Variants in NTM observed in about 807,000 individuals in gnomAD.
NTM encodes the protein neurotrimin, also known as IgLON family member 2.
Under a neutral mutation model 42.1 loss-of-function variants are expected in NTM, and 13 were observed. That is an observed-to-expected ratio of 0.31 (90% CI 0.20 to 0.49). The LOEUF (loss-of-function observed/expected upper bound fraction) is 0.49, where lower values mean the gene tolerates loss of function less well. Among genes scored for constraint, NTM ranks in the 20% least tolerant of loss-of-function variants. The pLI is 0.99. For missense variants in NTM, 373 were observed against 452.8 expected (o/e 0.82, Z 1.60); for synonymous variants, 187 against 179.2 (o/e 1.04, Z -0.35).
At chr11:131,836,308 C>G (rs376432441) in intron 1 of NTM, among the ~76,000 whole-genome samples, 1 of 152,202 alleles carries the variant, frequency 6.6e-6, no homozygotes, top group South Asian at 2.1e-4. Flanking sequence ...TGAACTAGTT[C>G]GAGAGCTTCT....
chr11:132,008,378 G>A (rs1271083598), intron 2 of NTM, among the ~76,000 whole-genome samples: 1 of 152,146 alleles, frequency 6.6e-6, no homozygotes, highest in African/African-American at 2.4e-5. Flanking sequence ...GACCATGAAT[G>A]TCAAGTGCCT....
intron 2 of NTM, among the ~76,000 whole-genome samples, chr11:132,064,488 A>T (rs557182819): frequency 6.6e-6 from 1 of 152,328 alleles, no homozygotes; most frequent in South Asian, 2.1e-4. Flanking sequence ...TACAAGAGTG[A>T]ATAATGGGAA....
At chr11:131,765,507 A>G (rs909434026) in intron 1 of NTM, among the ~76,000 whole-genome samples, 2 of 152,170 alleles carry the variant, frequency 1.3e-5, no homozygotes, top group Non-Finnish European at 2.9e-5. Flanking sequence ...AATCTCTTCT[A>G]GGAAAATTCC....
intron 4 of NTM, among the ~76,000 whole-genome samples, chr11:132,260,775 C>T (rs1591592807): frequency 6.6e-6 from 1 of 152,348 alleles, no homozygotes; most frequent in Middle Eastern, 3.4e-3. Flanking sequence ...GCCTAAAACA[C>T]AGCTGAATTA....
At chr11:132,173,840 T>A (rs973570852) in intron 3 of NTM, among the ~76,000 whole-genome samples, 2 of 152,232 alleles carry the variant, frequency 1.3e-5, no homozygotes, top group African/African-American at 4.8e-5. Flanking sequence ...AGGTAGCAGT[T>A]GTTTTTGAAG....
chr11:132,176,414 T>A (rs2076821858), intron 3 of NTM, among the ~76,000 whole-genome samples: 1 of 152,020 alleles, frequency 6.6e-6, no homozygotes, highest in South Asian at 2.1e-4. Context: ...CAATAGCAGA[T>A]GAAGTACTTA....
At chr11:131,905,509 CT>C (rs2053745032) in intron 1 of NTM, among the ~76,000 whole-genome samples, 1 of 152,086 alleles carries the variant, frequency 6.6e-6, no homozygotes, top group Non-Finnish European at 1.5e-5. Context: ...CACGAGATTC[CT>C]GCCCATGCTT....
At chr11:131,944,703 G>C (rs2060164319) in intron 2 of NTM, among the ~76,000 whole-genome samples, 1 of 152,116 alleles carries the variant, frequency 6.6e-6, no homozygotes, top group Non-Finnish European at 1.5e-5. Context: ...TTCAGGGGTA[G>C]GTATTTGTAG....
chr11:131,731,475 C>T (rs902703734), intron 1 of NTM, among the ~76,000 whole-genome samples: 3 of 152,136 alleles, frequency 2.0e-5, no homozygotes, highest in African/African-American at 7.2e-5. Context: ...GCCTTAAATG[C>T]TCCTGTTTAT....
chr11:131,945,987 CTATACATTG>C (rs2060301773), intron 2 of NTM, among the ~76,000 whole-genome samples: 4 of 152,124 alleles, frequency 2.6e-5, no homozygotes. Flanking sequence ...TTGAATGTAT[CTATACATTG>C]TATACAGCTA....
At chr11:131,735,796 G>A (rs926699617) in intron 1 of NTM, among the ~76,000 whole-genome samples, 25 of 151,932 alleles carry the variant, frequency 1.6e-4, no homozygotes, top group Non-Finnish European at 2.9e-5. Context: ...AGGAGTGGGA[G>A]TCAGAAGCCT....
At chr11:132,186,771 A>G (rs1378672856) in intron 3 of NTM, among the ~76,000 whole-genome samples, 1 of 152,196 alleles carries the variant, frequency 6.6e-6, no homozygotes, top group Non-Finnish European at 1.5e-5. Context: ...AATGAACCCT[A>G]AGACATCAAA....
At chr11:131,859,652 T>C (rs1041497184) in intron 1 of NTM, among the ~76,000 whole-genome samples, 1 of 152,176 alleles carries the variant, frequency 6.6e-6, no homozygotes, top group African/African-American at 2.4e-5. Flanking sequence ...CTTGGTTTCC[T>C]CATCTGGAAA....
At chr11:131,648,617 T>C (rs181705694) in intron 1 of NTM, among the ~76,000 whole-genome samples, 210 of 152,336 alleles carry the variant, frequency 1.4e-3, no homozygotes, top group African/African-American at 4.7e-3. Flanking sequence ...CCTTTAGGCA[T>C]ATATTGTGTC....
At chr11:132,211,150 C>T (rs544583509) in intron 3 of NTM, among the ~76,000 whole-genome samples, 20 of 151,816 alleles carry the variant, frequency 1.3e-4, no homozygotes, top group South Asian at 4.2e-4. Context: ...AGGATGGCTG[C>T]GCGTGCACTT....
At chr11:131,705,662 C>T (rs558078092) in intron 1 of NTM, among the ~76,000 whole-genome samples, 5 of 151,684 alleles carry the variant, frequency 3.3e-5, no homozygotes, top group Non-Finnish European at 7.4e-5. Context: ...TTAATAAATA[C>T]ACAATATAAA....
chr11:131,562,137 GAGA>G (rs1565641781), intron 1 of NTM, among the ~76,000 whole-genome samples: 1 of 152,184 alleles, frequency 6.6e-6, no homozygotes, highest in East Asian at 1.9e-4. Flanking sequence ...GCAGGGCAGA[GAGA>G]AGGAGGATGC....
intron 1 of NTM, among the ~76,000 whole-genome samples, chr11:131,788,975 C>T (rs983438263): frequency 1.3e-5 from 2 of 152,156 alleles, no homozygotes; most frequent in African/African-American, 4.8e-5. Flanking sequence ...GGCTCATTAC[C>T]CGTTTGCTGA....
chr11:131,649,807 G>T (rs1243073377), intron 1 of NTM, among the ~76,000 whole-genome samples: 1 of 152,078 alleles, frequency 6.6e-6, no homozygotes, highest in Non-Finnish European at 1.5e-5. Context: ...TTAACTTTTG[G>T]GGTGAACACT....
Sources: gnomAD v4.1 joint callset for allele counts (sites outside exome capture counted in the v4.1 genomes callset) on GRCh38, gnomAD v4.1.1 for gene constraint, MANE v1.5 for transcripts, NCBI Gene and HGNC (gene_info 2026-07-23, HGNC 2026-07-21) for gene names.